TFEC: variants seen among roughly 807,000 people sequenced by gnomAD.
TFEC encodes the protein transcription factor EC.
A neutral mutation model predicts 41.6 loss-of-function variants in TFEC; 31 were observed. That is an observed-to-expected ratio of 0.74 (90% CI 0.56 to 1.01). TFEC has a LOEUF of 1.01. Among genes scored for constraint, TFEC ranks in the 50% least tolerant of loss-of-function variants. The pLI is 0.00. For synonymous variants in TFEC, 143 were observed against 140.6 expected, an observed-to-expected ratio of 1.02 and a Z score of -0.12; for missense variants, 402 against 404.1, an observed-to-expected ratio of 0.99 and a Z score of 0.04.
intron 3 of TFEC, among the ~76,000 whole-genome samples, chr7:116,108,991 A>C (rs1797784267): frequency 6.6e-6 from 1 of 152,284 alleles, no homozygotes; most frequent in Admixed American, 6.5e-5. Context: ...CCTATTTAAT[A>C]AATGGTGCTG....
At chr7:115,968,098 T>C (rs1432818882) in intron 3 of TFEC, 9 of 1,314,126 alleles carry the variant, frequency 6.8e-6, no homozygotes, top group Non-Finnish European at 9.1e-6. Context: ...CTTATTTTAT[T>C]GACTATAAGT....
In TFEC at chr7:116,063,756, T is replaced by A. The variant is rs191053282; in HGVS notation, c.198+46952A>T. 6.2e-4 allele frequency among the ~76,000 whole-genome samples: 95 copies of A among 152,352 alleles called. 1 individual carries two copies. Among genetic ancestry groups the A allele is most frequent in the African/African-American group, 2.2e-3 (90 of 41,588 alleles). The stretch of plus-strand genomic sequence containing the variant: ...ATAATGTCCTCTAGGTTCATCCATG[T>A]TTTTACAATAACAGGATTTCCTTCC... On this transcript the variant is annotated intron_variant, in intron 3 of 8. Coordinates refer to the TFEC transcript ENST00000484212.
At chr7:116,037,919 T>C (rs538768909) in intron 3 of TFEC, among the ~76,000 whole-genome samples, 18 of 152,174 alleles carry the variant, frequency 1.2e-4, no homozygotes, top group African/African-American at 3.6e-4. Context: ...CATATCACTA[T>C]ACAATTGCAA....
chr7:115,940,399 C>A lies in TFEC; in HGVS notation c.*152G>T, dbSNP rs985453738. The A allele has an allele frequency of 2.4e-6, 2 of 833,168 alleles. No individual in the cohort carries two copies. The highest frequency in any genetic ancestry group is 3.5e-6 in the Non-Finnish European group (2 of 574,176). 51.6% of individuals were successfully genotyped at this position (833,168 alleles called of 1,614,324 possible). A position where few individuals can be genotyped will look rare whatever the true frequency, so the allele number is the denominator to read the frequency against. Reference sequence around the variant, plus strand: ...ATTAACACTATGATTTTTCTTCCTGCGAATTCTTCTGTTGCTTCTATCAGT... The same window carrying A: ...ATTAACACTATGATTTTTCTTCCTGAGAATTCTTCTGTTGCTTCTATCAGT... On this transcript the variant is annotated 3_prime_UTR_variant, in exon 8 of 8. Transcript: ENST00000265440.
intron 1 of TFEC, among the ~76,000 whole-genome samples, chr7:116,002,152 T>C (rs538678654): frequency 3.3e-5 from 5 of 152,186 alleles, no homozygotes; most frequent in Non-Finnish European, 5.9e-5. Flanking sequence ...AGTCACCATA[T>C]GATCCAGCAA....
At chr7:115,979,347 G>A (rs1001853474) in intron 2 of TFEC, among the ~76,000 whole-genome samples, 1 of 151,996 alleles carries the variant, frequency 6.6e-6, no homozygotes, top group African/African-American at 2.4e-5. Flanking sequence ...ATTTCACACT[G>A]CTTCCCATCT....
rs574228582 is a variant in TFEC, at chr7:116,088,542, T to C, written c.198+22166A>G. 5.3e-5 allele frequency among the ~76,000 whole-genome samples: 8 copies of C among 152,256 alleles called. No homozygotes were observed. The East Asian group carries it at 1.5e-3, about 29-fold the overall frequency. On this transcript the variant is annotated intron_variant, in intron 3 of 8. Transcript: ENST00000484212. Reference sequence around the variant, plus strand: ...TGGTTGTATTGGTCAATTGAGTCAATATATTTTTTAAAAAACCTATTTAAA... The same window carrying C: ...TGGTTGTATTGGTCAATTGAGTCAACATATTTTTTAAAAAACCTATTTAAA...
intron 3 of TFEC, among the ~76,000 whole-genome samples, chr7:115,958,494 C>A (rs751360568): frequency 6.6e-6 from 1 of 151,760 alleles, no homozygotes; most frequent in Non-Finnish European, 1.5e-5. Context: ...GGCACTTTCC[C>A]TCTGAAGAGC....
At chr7:115,990,216 C>T (rs1388615375) in intron 1 of TFEC, among the ~76,000 whole-genome samples, 1 of 152,122 alleles carries the variant, frequency 6.6e-6, no homozygotes, top group Non-Finnish European at 1.5e-5. Flanking sequence ...ACACCAAAAC[C>T]CCATCTGTAT....
Position 115,937,714 on chromosome 7 carries a change from T to C in TFEC, c.*2837A>G, listed in dbSNP as rs1019232901. 4.0e-4 allele frequency: 60 copies of C among 151,794 alleles called. No homozygotes were observed. The highest frequency in any genetic ancestry group is 1.2e-3 in the African/African-American group (49 of 41,412). 9.4% of individuals were successfully genotyped at this position (151,794 alleles called of 1,614,324 possible). On this transcript the variant is annotated 3_prime_UTR_variant, in exon 8 of 8. Coordinates refer to ENST00000265440, the MANE Select transcript of TFEC (RefSeq NM_012252.4). The stretch of plus-strand genomic sequence containing the variant: ...ATCATTATTAGGATTGGGATAATTA[T>C]ATTTAGATAAGTAAGGGTCCCCCCA...
intron 3 of TFEC, among the ~76,000 whole-genome samples, chr7:115,965,641 A>G (rs1359117132): frequency 6.6e-6 from 1 of 151,692 alleles, no homozygotes; most frequent in Non-Finnish European, 1.5e-5. Context: ...GAGACAATAC[A>G]TGTTTTCATA....
chr7:116,088,939 T>A (rs538035449), intron 3 of TFEC, among the ~76,000 whole-genome samples: 1 of 152,188 alleles, frequency 6.6e-6, no homozygotes, highest in African/African-American at 2.4e-5. Flanking sequence ...ACAATTGACC[T>A]TGGGTTCAAG....
chr7:115,935,908 T>A lies in TFEC; in HGVS notation c.*4643A>T, dbSNP rs1263416325. 2 of 151,534 alleles carry A rather than the reference T, an allele frequency of 1.3e-5. No individual in the cohort carries two copies. The highest frequency in any genetic ancestry group is 1.3e-4 in the Admixed American group (2 of 15,192). The allele number at this position is 151,534 out of a possible 1,614,324, so 9.4% of individuals were successfully genotyped here. ...ACATAAAAATCCCTTTACAAGCAGA[T>A]AAAAAGTTCCCTTTTATGTATAAAG... On this transcript the variant is annotated 3_prime_UTR_variant, in exon 8 of 8. Coordinates refer to ENST00000265440, the MANE Select transcript of TFEC (RefSeq NM_012252.4).
chr7:115,945,059 T>C (rs1331214697), intron 6 of TFEC, among the ~76,000 whole-genome samples: 1 of 150,600 alleles, frequency 6.6e-6, no homozygotes, highest in Non-Finnish European at 1.5e-5. Context: ...AAAACTGTTC[T>C]TAGTCATTTT....
At chr7:116,002,494 A>G (rs1794635976) in intron 1 of TFEC, among the ~76,000 whole-genome samples, 1 of 152,182 alleles carries the variant, frequency 6.6e-6, no homozygotes, top group Non-Finnish European at 1.5e-5. Flanking sequence ...GAACTCATTG[A>G]GCTATGTAAT....
intron 3 of TFEC, among the ~76,000 whole-genome samples, chr7:115,973,836 C>A (rs1437871968): frequency 1.3e-5 from 2 of 151,788 alleles, no homozygotes; most frequent in African/African-American, 4.8e-5. Context: ...TTAGTCATGA[C>A]CTTTTAAGAG....
Position 115,936,705 on chromosome 7 carries a change from C to T in TFEC, c.*3846G>A, listed in dbSNP as rs1304594053. 1 of 151,452 alleles carries T rather than the reference C, an allele frequency of 6.6e-6. No individual in the cohort carries two copies. Among genetic ancestry groups the T allele is most frequent in the East Asian group, 1.9e-4 (1 of 5,172 alleles). 9.4% of individuals were successfully genotyped at this position (151,452 alleles called of 1,614,324 possible). ...TTTAAAGTTGTGAAATCTAATTCCC[C>T]TCATGACATTATGGTAAATGAGCAC... is the stretch of plus-strand genomic sequence containing the variant. On this transcript the variant is annotated 3_prime_UTR_variant, in exon 8 of 8. Coordinates refer to ENST00000265440, the MANE Select transcript of TFEC (RefSeq NM_012252.4).
At chr7:116,031,853 C>T (rs1218671262), upstream of TFEC, among the ~76,000 whole-genome samples, 1 of 151,976 alleles carries the variant, frequency 6.6e-6, no homozygotes, top group African/African-American at 2.4e-5. Context: ...TATCATACAT[C>T]TAAATCTCCT....
intron 1 of TFEC, among the ~76,000 whole-genome samples, chr7:116,004,360 C>T (rs1436456854): frequency 6.6e-6 from 1 of 152,138 alleles, no homozygotes; most frequent in African/African-American, 2.4e-5. Flanking sequence ...ACTCTATGTT[C>T]AGTATAATGA....
Sources: allele counts gnomAD v4.1 joint callset (sites outside exome capture counted in the v4.1 genomes callset), GRCh38; gene constraint gnomAD v4.1.1; transcripts MANE v1.5; gene names NCBI Gene and HGNC (gene_info 2026-07-23, HGNC 2026-07-21).